Variants in GDI2 observed in about 807,000 individuals in gnomAD.
GDI2 encodes GDP dissociation inhibitor 2, also known as rab GDP dissociation inhibitor beta.
GDI2 carries 22 observed loss-of-function variants against 54.2 expected under a neutral mutation model. The ratio of observed to expected loss-of-function variants is 0.41; its 90% CI spans 0.29 to 0.58. The LOEUF (loss-of-function observed/expected upper bound fraction) is 0.58, where lower values mean the gene tolerates loss of function less well. Ranked by LOEUF, GDI2 falls within the 20% of genes least tolerant of loss-of-function variation. The probability of loss-of-function intolerance (pLI) is 0.35; values close to 1 mark genes in which losing one functional copy is unlikely to be tolerated. For missense variants in GDI2, 422 were observed against 546.0 expected (o/e 0.77, Z 2.26); for synonymous variants, 177 against 182.1 (o/e 0.97, Z 0.23).
intron 2 of GDI2, among the ~76,000 whole-genome samples, chr10:5,798,407 G>C (rs1841194466): frequency 6.6e-6 from 1 of 150,456 alleles, no homozygotes; most frequent in Non-Finnish European, 1.5e-5. Flanking sequence ...GATCAACATG[G>C]TGAAACCCCA....
intron 6 of GDI2, among the ~76,000 whole-genome samples, chr10:5,780,877 A>G (rs1335243460): frequency 1.3e-5 from 2 of 152,236 alleles, no homozygotes; most frequent in African/African-American, 4.8e-5. Context: ...CCCAACAAGC[A>G]TGTTTTCTAG....
chr10:5,794,198 T>TAC (rs1564396016), intron 4 of GDI2, among the ~76,000 whole-genome samples: 4 of 48,774 alleles, frequency 8.2e-5, no homozygotes, highest in African/African-American at 3.0e-4. Flanking sequence ...AATATATATA[T>TAC]ATATATATAT....
chr10:5,773,898 T>C lies in GDI2; in HGVS notation c.763A>G (p.Ile255Val), dbSNP rs773410031. 46 of 1,567,826 alleles carry C rather than the reference T, an allele frequency of 2.9e-5. No homozygotes were observed. In the Admixed American group the frequency reaches 6.2e-4, roughly 21 times the overall value. ...YGGTYMLNKP[I>V]EEIIVQNGKV... ...CCATTCTGTACAATGATTTCTTCAA[T>C]GGGTTTATTCAGCATATAGGTACCT... Residue 255 changes from isoleucine to valine, a missense_variant, in exon 7 of 11, where the codon ATT (isoleucine) becomes GTT (valine). Ile to Val is a conservative substitution (Grantham distance 29, BLOSUM62 3). Coordinates refer to ENST00000380191, the MANE Select transcript of GDI2 (RefSeq NM_001494.4).
At chr10:5,793,662 C>T (rs1400636677) in intron 4 of GDI2, among the ~76,000 whole-genome samples, 1 of 152,172 alleles carries the variant, frequency 6.6e-6, no homozygotes, top group Admixed American at 6.6e-5. Flanking sequence ...TGAGCACTTT[C>T]CCTCTTCTAA....
intron 6 of GDI2, among the ~76,000 whole-genome samples, chr10:5,779,174 T>C (rs887325762): frequency 3.3e-5 from 5 of 152,216 alleles, no homozygotes; most frequent in Non-Finnish European, 7.3e-5. Context: ...TATGTTGTTA[T>C]AAATGTACTC....
At chr10:5,771,277 A>G (rs374286490) in intron 7 of GDI2, among the ~76,000 whole-genome samples, 1 of 152,224 alleles carries the variant, frequency 6.6e-6, no homozygotes, top group African/African-American at 2.4e-5. Context: ...ATTCAGAAGT[A>G]TAAGTTTTAG....
intron 4 of GDI2, among the ~76,000 whole-genome samples, chr10:5,787,060 TCCC>T (rs74936677): frequency 0.18 from 27,596 of 152,020 alleles, 2,785 homozygotes; most frequent in Admixed American, 0.24. Flanking sequence ...ATCTCCCTTC[TCCC>T]CCCATTCCTA....
chr10:5,780,452 A>G lies in GDI2; in HGVS notation c.719+4690T>C, dbSNP rs995141410. ...AAGGTAAGTGGGGGAAAAACACATAAAAGTTATAAAAGAAGAATCTCTTTA... is the reference window on the plus strand; with the variant it reads ...AAGGTAAGTGGGGGAAAAACACATAGAAGTTATAAAAGAAGAATCTCTTTA... On this transcript the variant is annotated intron_variant, in intron 6 of 10. Transcript: ENST00000380191. Among the ~76,000 whole-genome samples the G allele has an allele frequency of 3.9e-5, 6 of 152,302 alleles. No individual in the cohort carries two copies. In the East Asian group the frequency reaches 7.7e-4, roughly 20 times the overall value.
In GDI2 at chr10:5,776,642, G is replaced by A. The variant is rs1779580805; in HGVS notation, c.720-2701C>T. 1.3e-6 allele frequency: 2 copies of A among 1,486,756 alleles called. No homozygotes were observed. The highest frequency in any genetic ancestry group is 1.1e-5 in the South Asian group (1 of 87,588). 92.1% of individuals were successfully genotyped at this position (1,486,756 alleles called of 1,614,324 possible). A position where few individuals can be genotyped will look rare whatever the true frequency, so the allele number is the denominator to read the frequency against. On this transcript the variant is annotated intron_variant, in intron 6 of 10. Transcript: ENST00000380191. This position sits in a 1 kb window ranked among gnomAD's most constrained non-coding sequence, Gnocchi z 5.3. ...ACTTCTAAATGGTCCAATAGAAAAG[G>A]AGCTGGATGTAGATGCTGATTTTGT... is the stretch of plus-strand genomic sequence containing the variant.
Position 5,768,145 on chromosome 10 carries a change from G to C in GDI2, c.991+68C>G. On this transcript the variant is annotated intron_variant, in intron 8 of 10. Transcript: ENST00000380191. This position sits in a 1 kb window ranked among gnomAD's most constrained non-coding sequence, Gnocchi z 4.4. ...ATACAGCATACAAAATTAGGAATTT[G>C]GGATAAAACACAAAGCAAATTATAT... The C allele has an allele frequency of 7.6e-7, 1 of 1,310,602 alleles. No homozygotes were observed. The highest frequency in any genetic ancestry group is 1.1e-6 in the Non-Finnish European group (1 of 919,382). 81.2% of individuals were successfully genotyped at this position (1,310,602 alleles called of 1,614,324 possible).
intron 1 of GDI2, among the ~76,000 whole-genome samples, chr10:5,812,932 G>A (rs1344621322): frequency 2.0e-5 from 3 of 152,216 alleles, no homozygotes; most frequent in Non-Finnish European, 4.4e-5. Flanking sequence ...CGCTTCCGCT[G>A]GGGGCAAGCG....
chr10:5,797,380 A>G (rs1367409851), intron 2 of GDI2, among the ~76,000 whole-genome samples: 1 of 152,080 alleles, frequency 6.6e-6, no homozygotes, highest in African/African-American at 2.4e-5. Flanking sequence ...CCCCATCTCT[A>G]CTGAAAATAC....
intron 4 of GDI2, 21 bp downstream of exon 4, chr10:5,794,864 A>G (rs776078852): frequency 1.0e-4 from 159 of 1,532,208 alleles, no homozygotes; most frequent in Non-Finnish European, 6.2e-5. Flanking sequence ...ACTAGTTACT[A>G]GAGAAAATAA....
At chr10:5,782,509 AGT>A (rs1049269446) in intron 6 of GDI2, among the ~76,000 whole-genome samples, 2 of 152,204 alleles carry the variant, frequency 1.3e-5, no homozygotes, top group African/African-American at 4.8e-5. Flanking sequence ...CCCCACAGAA[AGT>A]GTTTTACATA....
chr10:5,782,031 T>TA (rs2131694782), intron 6 of GDI2, among the ~76,000 whole-genome samples: 1 of 152,198 alleles, frequency 6.6e-6, no homozygotes, highest in South Asian at 2.1e-4. Flanking sequence ...AGTTAACACT[T>TA]ATGCTTATCA....
chr10:5,785,295 T>C, intron 5 of GDI2, 22 bp from the exon 6 acceptor site: 1 of 1,543,346 alleles, frequency 6.5e-7, no homozygotes, highest in Non-Finnish European at 8.9e-7. Flanking sequence ...GAAATGAGTA[T>C]TAGGAAAGGG....
chr10:5,790,871 C>T (rs534672777), intron 4 of GDI2, among the ~76,000 whole-genome samples: 1 of 152,222 alleles, frequency 6.6e-6, no homozygotes, highest in Non-Finnish European at 1.5e-5. Flanking sequence ...TATAAATGTT[C>T]TTGGCTGGGT....
intron 7 of GDI2, among the ~76,000 whole-genome samples, chr10:5,770,963 CAA>C (rs59686031): frequency 9.9e-4 from 46 of 46,376 alleles, no homozygotes; most frequent in Non-Finnish European, 1.2e-3. Context: ...GAGACTGTCT[CAA>C]AAAAAAAAAA....
At chr10:5,807,759 C>G (rs1323793747) in intron 1 of GDI2, among the ~76,000 whole-genome samples, 2 of 152,214 alleles carry the variant, frequency 1.3e-5, no homozygotes, top group Non-Finnish European at 2.9e-5. Flanking sequence ...CTGACGTTCT[C>G]TTCCTTCAGC....
Sources: gnomAD v4.1 joint callset for allele counts (sites outside exome capture counted in the v4.1 genomes callset) on GRCh38, gnomAD v4.1.1 for gene constraint, Gnocchi (gnomAD v3.1) non-coding constraint, MANE v1.5 for transcripts, NCBI Gene and HGNC (gene_info 2026-07-23, HGNC 2026-07-21) for gene names.